MTMR3: variants seen among roughly 807,000 people sequenced by gnomAD.
MTMR3 encodes the protein myotubularin related protein 3, also known as phosphatidylinositol-3,5-bisphosphate 3-phosphatase MTMR3.
MTMR3 carries 32 observed loss-of-function variants against 132.4 expected under a neutral mutation model. That is an observed-to-expected ratio of 0.24 (90% CI 0.18 to 0.32). The LOEUF (loss-of-function observed/expected upper bound fraction) is 0.32. Among genes scored for constraint, MTMR3 ranks in the 10% least tolerant of loss-of-function variants. The pLI is 1.00. For synonymous variants in MTMR3, 556 were observed against 550.3 expected, an observed-to-expected ratio of 1.01 and a Z score of -0.14; for missense variants, 1,216 against 1,489.6, an observed-to-expected ratio of 0.82 and a Z score of 3.02.
intron 6 of MTMR3, chr22:29,989,313 C>G (rs1198784500): frequency 6.6e-6 from 1 of 152,474 alleles, no homozygotes; most frequent in Non-Finnish European, 1.5e-5. Flanking sequence ...ACTGCAACTT[C>G]TGCCTCCTGG....
chr22:29,908,073 G>A, intron 1 of MTMR3, among the ~76,000 whole-genome samples: 1 of 152,102 alleles, frequency 6.6e-6, no homozygotes, highest in East Asian at 1.9e-4. Context: ...TATATAGGTA[G>A]GAAGGACTTC....
chr22:29,967,491 C>T (rs981897433), intron 2 of MTMR3, among the ~76,000 whole-genome samples: 4 of 151,596 alleles, frequency 2.6e-5, no homozygotes, highest in African/African-American at 9.7e-5. Flanking sequence ...CCTGGCCTCC[C>T]AAATTGCTAG....
intron 1 of MTMR3, among the ~76,000 whole-genome samples, chr22:29,898,765 CCCATGTTTACTT>C (rs2064950797): frequency 6.6e-6 from 1 of 152,086 alleles, no homozygotes; most frequent in Admixed American, 6.6e-5. Flanking sequence ...TTCCCTGAAT[CCCATGTTTACTT>C]CCATGTTTAC....
rs116619778 is a variant in MTMR3, at chr22:29,910,992, C to T, written c.-138+27633C>T. Among the ~76,000 whole-genome samples, 559 of 152,248 alleles carry T rather than the reference C, an allele frequency of 3.7e-3. 6 individuals carry two copies. The highest frequency in any genetic ancestry group is 0.013 in the African/African-American group (540 of 41,536). ...ATATTTTTTGAACATTAGGGATCTG[C>T]GTCCAACACTTAATTATACTAGTAA... On this transcript the variant is annotated intron_variant, in intron 1 of 19. Coordinates refer to ENST00000401950, the MANE Select transcript of MTMR3 (RefSeq NM_021090.4).
chr22:29,896,779 A>C (rs1234082490), intron 1 of MTMR3, among the ~76,000 whole-genome samples: 2 of 152,090 alleles, frequency 1.3e-5, no homozygotes, highest in Non-Finnish European at 2.9e-5. Flanking sequence ...AAATTTCAAC[A>C]GTGCAAAAAC....
rs796680779 is a variant in MTMR3, at chr22:29,946,923, C to T, written c.-137-10113C>T. ...ATATCACCAATGATAATATATACCA[C>T]GGCATGGAAATACTGGTAATAGAGT... On this transcript the variant is annotated intron_variant, in intron 1 of 19. Transcript: ENST00000401950. 8.5e-5 allele frequency among the ~76,000 whole-genome samples: 13 copies of T among 152,082 alleles called. No homozygotes were observed. In the East Asian group the frequency reaches 9.7e-4, roughly 11 times the overall value.
At chr22:29,993,597 C>T (rs531929473) in intron 7 of MTMR3, 2 of 152,354 alleles carry the variant, frequency 1.3e-5, no homozygotes, top group East Asian at 3.9e-4. Flanking sequence ...GATTTGCTTT[C>T]TCCTATCCTG....
chr22:30,008,433 G>C (rs2067323230), intron 11 of MTMR3: 1 of 169,414 alleles, frequency 5.9e-6, no homozygotes, highest in Non-Finnish European at 1.3e-5. Flanking sequence ...CCTCTCCTTA[G>C]AAAACCTGGG....
intron 1 of MTMR3, among the ~76,000 whole-genome samples, chr22:29,910,561 T>C (rs73396842): frequency 0.043 from 6,589 of 152,268 alleles, 477 homozygotes; most frequent in African/African-American, 0.15. Context: ...TAGTCATTAC[T>C]GTGGCGACTA....
chr22:29,966,730 T>TGC lies in MTMR3; in HGVS notation c.-84-4245_-84-4244insCG, dbSNP rs1569028083. Among the ~76,000 whole-genome samples the TGC allele has an allele frequency of 0.045, 2,561 of 56,318 alleles. 173 individuals carry two copies. The East Asian group carries it at 0.46, about 10-fold the overall frequency. 36.9% of individuals were successfully genotyped at this position (56,318 alleles called of 152,430 possible). On this transcript the variant is annotated intron_variant, in intron 2 of 19. Coordinates refer to ENST00000401950, the MANE Select transcript of MTMR3 (RefSeq NM_021090.4). Reference sequence around the variant, plus strand: ...CTGGTGACCTGTAGGGGTGTGCGTGTGTGTGTGTGTGTGTGTGTGTGTGTG... The same window carrying TGC: ...CTGGTGACCTGTAGGGGTGTGCGTGTGCGTGTGTGTGTGTGTGTGTGTGTGTG...
chr22:29,894,980 A>T (rs1197051898), intron 1 of MTMR3, among the ~76,000 whole-genome samples: 1 of 152,192 alleles, frequency 6.6e-6, no homozygotes, highest in Non-Finnish European at 1.5e-5. Context: ...TGGGAGGCCA[A>T]GGTGGGCAGG....
intron 1 of MTMR3, among the ~76,000 whole-genome samples, chr22:29,909,388 C>T (rs963831920): frequency 3.9e-5 from 6 of 151,984 alleles, no homozygotes; most frequent in African/African-American, 1.5e-4. Context: ...TGACTTTTCT[C>T]TTGTTTTTGT....
intron 1 of MTMR3, among the ~76,000 whole-genome samples, chr22:29,923,815 C>T (rs984468757): frequency 2.1e-4 from 32 of 152,252 alleles, no homozygotes; most frequent in Admixed American, 1.6e-3. Flanking sequence ...CAAATACAGT[C>T]ATATCAGGGG....
intron 12 of MTMR3, 40 bp from the exon 13 acceptor site, chr22:30,012,328 A>G: frequency 6.3e-7 from 1 of 1,583,172 alleles, no homozygotes; most frequent in Non-Finnish European, 8.6e-7. Flanking sequence ...AGTAAATCAT[A>G]AAAAAATCAG....
chr22:29,951,012 G>A (rs181650943), intron 1 of MTMR3, among the ~76,000 whole-genome samples: 54 of 152,172 alleles, frequency 3.5e-4, no homozygotes, highest in African/African-American at 1.3e-3. Flanking sequence ...TTAGCTGGGC[G>A]TGGTGGCATG....
At chr22:29,948,707 A>G (rs187051987) in intron 1 of MTMR3, among the ~76,000 whole-genome samples, 1 of 152,252 alleles carries the variant, frequency 6.6e-6, no homozygotes, top group African/African-American at 2.4e-5. Flanking sequence ...AGATCTAGAA[A>G]CAAAGCATAT....
At chr22:29,900,903 A>G (rs2064992003) in intron 1 of MTMR3, among the ~76,000 whole-genome samples, 1 of 151,938 alleles carries the variant, frequency 6.6e-6, no homozygotes, top group African/African-American at 2.4e-5. Flanking sequence ...TTTTATAGAG[A>G]TGGGGTTTTG....
intron 1 of MTMR3, among the ~76,000 whole-genome samples, chr22:29,949,229 T>A (rs2066023703): frequency 7.1e-6 from 1 of 140,440 alleles, no homozygotes; most frequent in Non-Finnish European, 1.5e-5. Flanking sequence ...GGCTCATGCC[T>A]GTAATCCCAG....
chr22:29,895,950 A>G (rs895224872), intron 1 of MTMR3, among the ~76,000 whole-genome samples: 3 of 152,194 alleles, frequency 2.0e-5, no homozygotes, highest in Admixed American at 2.0e-4. Context: ...ATAAGAGAAG[A>G]CAACATTTCA....
Sources: allele counts gnomAD v4.1 joint callset (sites outside exome capture counted in the v4.1 genomes callset), GRCh38; gene constraint gnomAD v4.1.1; transcripts MANE v1.5; gene names NCBI Gene and HGNC (gene_info 2026-07-23, HGNC 2026-07-21).